The following DLG2 variants were observed in gnomAD, a reference collection of about 807,000 sequenced individuals.
DLG2 encodes the protein discs large MAGUK scaffold protein 2.
Under a neutral mutation model 132.5 loss-of-function variants are expected in DLG2, and 45 were observed. The observed-to-expected ratio is 0.34, with a 90% confidence interval of 0.27 to 0.44. DLG2 has a LOEUF of 0.44. Among genes scored for constraint, DLG2 ranks in the 20% least tolerant of loss-of-function variants. DLG2 has a pLI of 1.00. For missense variants in DLG2, 1,045 were observed against 1,196.9 expected (o/e 0.87, Z 1.87); for synonymous variants, 424 against 419.6 (o/e 1.01, Z -0.13).
chr11:84,696,384 T>C (rs1298117788), intron 6 of DLG2, among the ~76,000 whole-genome samples: 2 of 151,520 alleles, frequency 1.3e-5, no homozygotes, highest in Non-Finnish European at 3.0e-5. Context: ...AGTTGGGTAT[T>C]TTGCCCAAGA....
chr11:84,250,329 A>C (rs1363646201), intron 8 of DLG2, among the ~76,000 whole-genome samples: 1 of 152,112 alleles, frequency 6.6e-6, no homozygotes, highest in East Asian at 1.9e-4. Context: ...AAGGGATTTG[A>C]GGCTGTGGGC....
intron 6 of DLG2, among the ~76,000 whole-genome samples, chr11:84,970,461 A>T (rs2053951380): frequency 1.3e-5 from 2 of 152,312 alleles, no homozygotes; most frequent in South Asian, 4.1e-4. Context: ...CGTTGCTTAT[A>T]ATCAACAACC....
chr11:85,084,172 A>G (rs2067601059), intron 6 of DLG2, among the ~76,000 whole-genome samples: 1 of 152,186 alleles, frequency 6.6e-6, no homozygotes, highest in Non-Finnish European at 1.5e-5. Flanking sequence ...CTTAAAGGAT[A>G]TTATCCATAG....
chr11:84,223,769 C>T (rs2096950301), intron 8 of DLG2, among the ~76,000 whole-genome samples: 1 of 152,134 alleles, frequency 6.6e-6, no homozygotes, highest in Non-Finnish European at 1.5e-5. Flanking sequence ...GTTGGCCAGG[C>T]TGGCCTCAAA....
chr11:84,552,405 T>A (rs2099403556), intron 6 of DLG2, among the ~76,000 whole-genome samples: 1 of 152,172 alleles, frequency 6.6e-6, no homozygotes, highest in Admixed American at 6.5e-5. Context: ...GAGGAATGGA[T>A]CACCTCCAAT....
intron 14 of DLG2, among the ~76,000 whole-genome samples, chr11:83,946,854 C>T (rs2084109139): frequency 6.6e-6 from 1 of 152,180 alleles, no homozygotes. Flanking sequence ...TTGCTTTAGT[C>T]AGGCAGACCA....
chr11:83,956,297 C>A (rs932156966), intron 14 of DLG2, among the ~76,000 whole-genome samples: 7 of 152,190 alleles, frequency 4.6e-5, no homozygotes, highest in Non-Finnish European at 8.8e-5. Flanking sequence ...GACCTTGCCA[C>A]CACCAGAGGA....
intron 17 of DLG2, among the ~76,000 whole-genome samples, chr11:83,824,937 T>C (rs564817270): frequency 5.3e-5 from 8 of 151,938 alleles, no homozygotes; most frequent in Non-Finnish European, 8.8e-5. Flanking sequence ...TTATGACACA[T>C]TGAATAAGCA....
intron 7 of DLG2, among the ~76,000 whole-genome samples, chr11:84,263,271 T>C (rs1411781287): frequency 1.3e-5 from 2 of 151,948 alleles, no homozygotes; most frequent in Non-Finnish European, 2.9e-5. Context: ...TGGGAAATGA[T>C]CTCTGTTTTT....
At chr11:84,190,960 A>G (rs1468237951) in intron 8 of DLG2, among the ~76,000 whole-genome samples, 1 of 152,238 alleles carries the variant, frequency 6.6e-6, no homozygotes, top group African/African-American at 2.4e-5. Context: ...AAACACGTTC[A>G]TTAAGTATGT....
chr11:83,510,769 G>A (rs2094963896), intron 21 of DLG2, among the ~76,000 whole-genome samples: 1 of 150,604 alleles, frequency 6.6e-6, no homozygotes, highest in Admixed American at 6.6e-5. Flanking sequence ...GCCAGTCAGA[G>A]GAGTGAATCA....
At chr11:85,151,045 T>C (rs1036691724) in intron 5 of DLG2, among the ~76,000 whole-genome samples, 1 of 152,220 alleles carries the variant, frequency 6.6e-6, no homozygotes, top group African/African-American at 2.4e-5. Context: ...TTTCTGTTAT[T>C]TTGACAGCAG....
chr11:83,945,597 C>A (rs1365415280), intron 14 of DLG2, among the ~76,000 whole-genome samples: 1 of 152,114 alleles, frequency 6.6e-6, no homozygotes, highest in Non-Finnish European at 1.5e-5. Flanking sequence ...TGTCAAAATG[C>A]ATTTATAGAG....
At chr11:83,881,280 T>C (rs1258431628) in intron 15 of DLG2, among the ~76,000 whole-genome samples, 2 of 152,184 alleles carry the variant, frequency 1.3e-5, no homozygotes, top group Non-Finnish European at 2.9e-5. Flanking sequence ...ACCTCTTATA[T>C]ATTTGTGACC....
At chr11:84,763,816 A>C (rs1380114562) in intron 6 of DLG2, among the ~76,000 whole-genome samples, 1 of 152,146 alleles carries the variant, frequency 6.6e-6, no homozygotes, top group African/African-American at 2.4e-5. Context: ...TGATCTATAA[A>C]ATGTTTCACA....
intron 9 of DLG2, among the ~76,000 whole-genome samples, chr11:84,152,409 C>T (rs1310465060): frequency 1.0e-4 from 15 of 147,662 alleles, no homozygotes; most frequent in East Asian, 4.0e-4. Flanking sequence ...TTTTTTCAGA[C>T]GGAGTCTTGC....
intron 7 of DLG2, among the ~76,000 whole-genome samples, chr11:84,369,370 G>A (rs936547287): frequency 4.6e-5 from 7 of 152,112 alleles, no homozygotes; most frequent in Admixed American, 6.6e-5. Flanking sequence ...ACTTCAACAA[G>A]AATGGGAAGA....
At chr11:85,380,932 G>C (rs1484321604) in intron 3 of DLG2, among the ~76,000 whole-genome samples, 1 of 152,058 alleles carries the variant, frequency 6.6e-6, no homozygotes, top group Non-Finnish European at 1.5e-5. Context: ...AAGACCAAGG[G>C]AAAAATGTAA....
At chr11:85,571,706 G>A (rs61342895) in intron 3 of DLG2, among the ~76,000 whole-genome samples, 3 of 151,936 alleles carry the variant, frequency 2.0e-5, no homozygotes, top group Admixed American at 6.6e-5. Context: ...ATCTTATTAC[G>A]CAGCTTCTTC....
Sources: gnomAD v4.1 joint callset for allele counts (sites outside exome capture counted in the v4.1 genomes callset) on GRCh38, gnomAD v4.1.1 for gene constraint, MANE v1.5 for transcripts, NCBI Gene and HGNC (gene_info 2026-07-23, HGNC 2026-07-21) for gene names.